The following PKD2L1 variants were observed in gnomAD, a reference collection of about 807,000 sequenced individuals.
PKD2L1 encodes polycystin-2-like protein 1.
Under a neutral mutation model 93.0 loss-of-function variants are expected in PKD2L1, and 77 were observed. The ratio of observed to expected loss-of-function variants is 0.83; its 90% CI spans 0.69 to 1.00. PKD2L1 has a LOEUF of 1.00. PKD2L1 is among the 50% of genes least tolerant of loss of function. PKD2L1 has a pLI of 0.00. For synonymous variants in PKD2L1, 390 were observed against 388.0 expected (o/e 1.01, Z -0.06); for missense variants, 977 against 990.9 (o/e 0.99, Z 0.19).
chr10:100,290,295 C>G (rs188860191), intron 13 of PKD2L1, 106 bp downstream of exon 13: 1 of 1,259,794 alleles, frequency 7.9e-7, no homozygotes, highest in Admixed American at 1.8e-5. Context: ...CGGAGGTTCT[C>G]CCTGGGGTAG....
At position 100,330,179 on chromosome 10, in the gene PKD2L1, C is replaced by A; in HGVS notation, c.-76G>T. Reference sequence around the variant, plus strand: ...AGGAAGAGGGAGCAGAGGCACAGCCCAGCCTAGCCAGCAGAGAGCAAATGG... The same window carrying A: ...AGGAAGAGGGAGCAGAGGCACAGCCAAGCCTAGCCAGCAGAGAGCAAATGG... On this transcript the variant is annotated 5_prime_UTR_variant, in exon 1 of 16. Coordinates refer to ENST00000318222, the MANE Select transcript of PKD2L1 (RefSeq NM_016112.3). 1.1e-6 allele frequency: 1 copy of A among 890,274 alleles called. No homozygotes were observed. Among genetic ancestry groups the A allele is most frequent in the East Asian group, 2.5e-5 (1 of 39,828 alleles). 55.1% of individuals were successfully genotyped at this position (890,274 alleles called of 1,614,324 possible).
chr10:100,288,612 A>G (rs1848332339), intron 15 of PKD2L1, 134 bp from the exon 16 acceptor site: 1 of 646,798 alleles, frequency 1.5e-6, no homozygotes, highest in African/African-American at 1.8e-5. Flanking sequence ...CCTTTTTCAC[A>G]GACCATGGCT....
chr10:100,294,920 G>A (rs751584390), intron 8 of PKD2L1, 22 bp downstream of exon 8: 16 of 1,600,152 alleles, frequency 1.0e-5, no homozygotes, highest in Non-Finnish European at 1.2e-5. Context: ...CCAGGGAGGA[G>A]TGAAGGGGAC....
At position 100,298,657 on chromosome 10, in the gene PKD2L1, C is replaced by T. The variant is rs1848605755; in HGVS notation, c.636G>A (p.Val212=). ...GAATGTCCTCCCGGAAGTCTTCATGCACCACACAGGAGTCATTGCGGACCT... is the reference window on the plus strand; with the variant it reads ...GAATGTCCTCCCGGAAGTCTTCATGTACCACACAGGAGTCATTGCGGACCT... ...QLKVRNDSCV[V]HEDFREDILS... is the part of the protein sequence containing the mutation. The change falls in exon 4 of 16, where the codon GTG becomes GTA. Residue 212 remains valine (V), a synonymous_variant. Coordinates refer to ENST00000318222, the MANE Select transcript of PKD2L1 (RefSeq NM_016112.3). 2 of 1,614,166 alleles carry T rather than the reference C, an allele frequency of 1.2e-6. No individual in the cohort carries two copies. Among genetic ancestry groups the T allele is most frequent in the African/African-American group, 1.3e-5 (1 of 75,034 alleles).
Position 100,291,107 on chromosome 10 carries a change from G to A in PKD2L1, c.2007+194C>T, listed in dbSNP as rs149593032. Among the ~76,000 whole-genome samples the A allele has an allele frequency of 4.7e-3, 713 of 152,334 alleles. 8 individuals are homozygous for A. Among genetic ancestry groups the A allele is most frequent in the South Asian group, 0.042 (201 of 4,832 alleles). ...TTCTGGTTTAATTGGTCTAGAGTGTGTGTCCTGAGTATGAAGATTTTTAAA... is the reference window on the plus strand; with the variant it reads ...TTCTGGTTTAATTGGTCTAGAGTGTATGTCCTGAGTATGAAGATTTTTAAA... On this transcript the variant is annotated intron_variant, in intron 12 of 15. Coordinates refer to ENST00000318222, the MANE Select transcript of PKD2L1 (RefSeq NM_016112.3).
rs1848610646 is a variant in PKD2L1, at chr10:100,298,767, T to C, written c.526A>G (p.Asn176Asp). 6.2e-7 allele frequency: 1 copy of C among 1,613,702 alleles called. No homozygotes were observed. Among genetic ancestry groups the C allele is most frequent in the Non-Finnish European group, 8.5e-7 (1 of 1,179,988 alleles). Residue 176 changes from asparagine (N) to aspartate (D), a missense_variant, in exon 4 of 16, where the codon AAC becomes GAC. Physicochemically the swap from Asn to Asp is conservative, Grantham distance 23. Transcript: ENST00000318222. Reference sequence around the variant, plus strand: ...GAGCCATGGCCCAGGCTCTGGTTGTTGTACCATTTGGTCCAATACAAACTG... The same window carrying C: ...GAGCCATGGCCCAGGCTCTGGTTGTCGTACCATTTGGTCCAATACAAACTG... ...LDSLYWTKWY[N>D]NQSLGHGSHS...
chr10:100,323,288 A>T (rs1564615785), intron 2 of PKD2L1, among the ~76,000 whole-genome samples: 1 of 152,104 alleles, frequency 6.6e-6, no homozygotes, highest in African/African-American at 2.4e-5. Flanking sequence ...TTTATTTTTG[A>T]GATGGAGTCT....
intron 9 of PKD2L1, among the ~76,000 whole-genome samples, chr10:100,293,656 C>T (rs906683010): frequency 2.0e-5 from 3 of 152,120 alleles, no homozygotes; most frequent in African/African-American, 7.2e-5. Context: ...TAACATATGC[C>T]ACAGACCTCC....
intron 2 of PKD2L1, among the ~76,000 whole-genome samples, chr10:100,321,744 A>C (rs866857549): frequency 1.4e-4 from 1 of 6,954 alleles, no homozygotes; most frequent in African/African-American, 4.1e-4. Flanking sequence ...AGAAAGAAAG[A>C]AAGAAAGAAA....
intron 2 of PKD2L1, among the ~76,000 whole-genome samples, chr10:100,306,423 G>A (rs1345758074): frequency 1.3e-5 from 2 of 152,238 alleles, no homozygotes; most frequent in Non-Finnish European, 2.9e-5. Context: ...GGGATCTCAA[G>A]ATGACTTACA....
chr10:100,300,559 C>A (rs966010950), intron 2 of PKD2L1, among the ~76,000 whole-genome samples: 2 of 152,154 alleles, frequency 1.3e-5, no homozygotes, highest in African/African-American at 4.8e-5. Flanking sequence ...GATTGTCCTT[C>A]AATTTAAGTT....
Position 100,294,976 on chromosome 10 carries a change from G to C in PKD2L1, c.1504C>G (p.Gln502Glu), listed in dbSNP as rs1368778470. 6.2e-7 allele frequency: 1 copy of C among 1,614,138 alleles called. No individual in the cohort carries two copies. Among genetic ancestry groups the C allele is most frequent in the South Asian group, 1.1e-5 (1 of 91,074 alleles). Residue 502 changes from glutamine (Q) to glutamate (E), a missense_variant, in exon 8 of 16, where the codon CAA becomes GAA. Physicochemically the swap from Gln to Glu is conservative, Grantham distance 29 (BLOSUM62 2). Transcript: ENST00000318222. ...AQLGYLLFGT[Q>E]VENFSTFIKC... Reference sequence around the variant, plus strand: ...ATGAAAGTGCTAAAGTTTTCCACTTGGGTCCCGAAAAGCAGGTAGCCGAGT... The same window carrying C: ...ATGAAAGTGCTAAAGTTTTCCACTTCGGTCCCGAAAAGCAGGTAGCCGAGT...
chr10:100,296,847 C>G lies in PKD2L1; in HGVS notation c.1185+133G>C, dbSNP rs547765781. 6.4e-6 allele frequency: 4 copies of G among 625,678 alleles called. No individual in the cohort carries two copies. In the East Asian group the frequency reaches 1.1e-4, roughly 17 times the overall value. The allele number at this position is 625,678 out of a possible 1,614,324, so 38.8% of individuals were successfully genotyped here. On this transcript the variant is annotated intron_variant, in intron 6 of 15. Transcript: ENST00000318222. ...GAACATGTCCCTCTCACTTAGGGAGCTGTTAAATGATGATTTGACCAAAAG... is the reference window on the plus strand; with the variant it reads ...GAACATGTCCCTCTCACTTAGGGAGGTGTTAAATGATGATTTGACCAAAAG...
intron 2 of PKD2L1, among the ~76,000 whole-genome samples, chr10:100,305,700 TC>T (rs902598897): frequency 2.0e-5 from 3 of 152,058 alleles, no homozygotes; most frequent in Admixed American, 6.6e-5. Context: ...TAATAAGTCA[TC>T]CGTCGAGAGC....
chr10:100,293,655 C>A lies in PKD2L1; in HGVS notation c.1660-276G>T, dbSNP rs546996444. On this transcript the variant is annotated intron_variant, in intron 9 of 15. Transcript: ENST00000318222. Reference sequence around the variant, plus strand: ...GACCACAGAGATACAATAACATATGCCACAGACCTCCTTTGTATAAGGGCC... The same window carrying A: ...GACCACAGAGATACAATAACATATGACACAGACCTCCTTTGTATAAGGGCC... Among the ~76,000 whole-genome samples, 7 of 152,282 alleles carry A rather than the reference C, an allele frequency of 4.6e-5. No individual in the cohort carries two copies. The East Asian group carries it at 1.4e-3, about 29-fold the overall frequency.
chr10:100,318,723 G>A (rs1849159389), intron 2 of PKD2L1, among the ~76,000 whole-genome samples: 1 of 151,680 alleles, frequency 6.6e-6, no homozygotes, highest in Non-Finnish European at 1.5e-5. Flanking sequence ...GTTTCACCGT[G>A]TTAGCCAGGA....
intron 2 of PKD2L1, among the ~76,000 whole-genome samples, chr10:100,315,969 G>T (rs1237079122): frequency 6.6e-6 from 1 of 152,154 alleles, no homozygotes; most frequent in South Asian, 2.1e-4. Flanking sequence ...AGCAAATGGC[G>T]ATGACTTTGG....
chr10:100,301,411 G>T (rs1184541476), intron 2 of PKD2L1, among the ~76,000 whole-genome samples: 2 of 151,880 alleles, frequency 1.3e-5, no homozygotes, highest in African/African-American at 4.8e-5. Flanking sequence ...TCTGTTATCT[G>T]CAGCTGCATA....
Position 100,291,372 on chromosome 10 carries a change from C to T in PKD2L1, c.1936G>A (p.Asp646Asn). 1 of 1,614,064 alleles carries T rather than the reference C, an allele frequency of 6.2e-7. No individual in the cohort carries two copies. The highest frequency in any genetic ancestry group is 8.5e-7 in the Non-Finnish European group (1 of 1,179,964). Residue 646 changes from aspartate to asparagine, a missense_variant, in exon 12 of 16, where the codon GAC becomes AAC. Transcript: ENST00000318222. ...TELTATFTKF[D>N]RDGNRILDEK... ...TCCAGAATACGATTCCCATCTCTGT[C>T]AAACTTGGTGAAGGTGGCCGTGAGC... is the stretch of plus-strand genomic sequence containing the variant.
Sources: gnomAD v4.1 joint callset for allele counts (sites outside exome capture counted in the v4.1 genomes callset) on GRCh38, gnomAD v4.1.1 for gene constraint, MANE v1.5 for transcripts, NCBI Gene and HGNC (gene_info 2026-07-23, HGNC 2026-07-21) for gene names.